The following AGBL1 variants were observed in gnomAD, a reference collection of about 807,000 sequenced individuals.
AGBL1 encodes the protein cytosolic carboxypeptidase 4.
A neutral mutation model predicts 118.9 loss-of-function variants in AGBL1; 130 were observed. The ratio of observed to expected loss-of-function variants is 1.09; its 90% confidence interval spans 0.95 to 1.26. The LOEUF is 1.26. Among genes scored for constraint, AGBL1 ranks in the 50% most tolerant of loss-of-function variants. The probability of loss-of-function intolerance (pLI) is 0.00; values close to 1 mark genes in which losing one functional copy is unlikely to be tolerated. For synonymous variants in AGBL1, 555 were observed against 478.9 expected (o/e 1.16, Z -2.08); for missense variants, 1,584 against 1,298.1 (o/e 1.22, Z -3.38).
intron 21 of AGBL1, among the ~76,000 whole-genome samples, chr15:86,661,524 A>T (rs551738856): frequency 6.6e-6 from 1 of 151,912 alleles, no homozygotes; most frequent in Non-Finnish European, 1.5e-5. Context: ...AGACTGGGTT[A>T]ACATCATTAT....
chr15:86,718,272 G>A (rs1020162934), intron 22 of AGBL1, among the ~76,000 whole-genome samples: 1 of 151,972 alleles, frequency 6.6e-6, no homozygotes, highest in Non-Finnish European at 1.5e-5. Context: ...ATCATTCTGA[G>A]CAAACTATCT....
chr15:86,542,109 G>A (rs1013657867), intron 19 of AGBL1, among the ~76,000 whole-genome samples: 2 of 152,212 alleles, frequency 1.3e-5, no homozygotes, highest in African/African-American at 4.8e-5. Flanking sequence ...TTGAATGAAT[G>A]TTGTGCTCAA....
intron 16 of AGBL1, among the ~76,000 whole-genome samples, chr15:86,290,343 C>CTTTTTTT (rs559169172): frequency 4.5e-5 from 6 of 134,332 alleles, no homozygotes; most frequent in Middle Eastern, 3.9e-3. Context: ...TCTTTTCTTT[C>CTTTTTTT]TTTTTTTTTT....
intron 1 of AGBL1, among the ~76,000 whole-genome samples, chr15:86,126,617 T>G (rs1243020985): frequency 2.0e-5 from 3 of 152,232 alleles, no homozygotes; most frequent in Non-Finnish European, 4.4e-5. Context: ...CCATACTTAT[T>G]ACCTAGTGAT....
At chr15:86,728,577 A>T (rs1441989441) in intron 22 of AGBL1, among the ~76,000 whole-genome samples, 1 of 152,136 alleles carries the variant, frequency 6.6e-6, no homozygotes, top group East Asian at 1.9e-4. Context: ...GGGGCTAAAT[A>T]AAAAAACCTT....
intron 18 of AGBL1, among the ~76,000 whole-genome samples, chr15:86,496,552 A>T (rs2142152714): frequency 6.6e-6 from 1 of 152,014 alleles, no homozygotes; most frequent in African/African-American, 2.4e-5. Flanking sequence ...ATTTGGATTA[A>T]TTTTTTCCAT....
At chr15:86,152,669 T>TC (rs1173058825) in intron 3 of AGBL1, among the ~76,000 whole-genome samples, 4 of 152,146 alleles carry the variant, frequency 2.6e-5, no homozygotes, top group East Asian at 3.9e-4. Flanking sequence ...ACACATGGGA[T>TC]CTAATTAAAC....
chr15:86,612,324 A>G (rs1316537686), intron 21 of AGBL1, among the ~76,000 whole-genome samples: 4 of 152,028 alleles, frequency 2.6e-5, no homozygotes, highest in Non-Finnish European at 5.9e-5. Flanking sequence ...CTAAAGGCAT[A>G]TTAACAAAAA....
rs573972749 is a variant in AGBL1, at chr15:86,862,624, C to T, written c.3159-44463C>T. 5.3e-5 allele frequency among the ~76,000 whole-genome samples: 8 copies of T among 152,178 alleles called. No homozygotes were observed. In the South Asian group the frequency reaches 8.3e-4, roughly 16 times the overall value. Reference sequence around the variant, plus strand: ...TAGTCCCAGCTACTCGGAGGGCTGACGCAGGAGACTCACTTGACCTGGGAG... The same window carrying T: ...TAGTCCCAGCTACTCGGAGGGCTGATGCAGGAGACTCACTTGACCTGGGAG... On this transcript the variant is annotated intron_variant, in intron 22 of 22. Coordinates refer to ENST00000614907, the MANE Select transcript of AGBL1 (RefSeq NM_001386094.1).
In AGBL1 at chr15:86,090,016, C is replaced by T. The variant is rs142414749; in HGVS notation, c.51+9993C>T. Among the ~76,000 whole-genome samples the T allele has an allele frequency of 8.3e-4, 127 of 152,274 alleles. 1 individual carries two copies. Among genetic ancestry groups the T allele is most frequent in the African/African-American group, 2.7e-3 (112 of 41,562 alleles). Reference sequence around the variant, plus strand: ...TTTGTCAGGAACCCCTCACATTTGTCGAGTACTTACTATGTACCAGGAAAT... The same window carrying T: ...TTTGTCAGGAACCCCTCACATTTGTTGAGTACTTACTATGTACCAGGAAAT... On this transcript the variant is annotated intron_variant, in intron 1 of 22. Coordinates refer to ENST00000614907, the MANE Select transcript of AGBL1 (RefSeq NM_001386094.1).
rs141638486 is a variant in AGBL1 at position 86,870,352 on chromosome 15, G to A, written c.3159-36735G>A. 2.6e-3 allele frequency among the ~76,000 whole-genome samples: 389 copies of A among 150,398 alleles called. 3 individuals carry two copies. Among genetic ancestry groups the A allele is most frequent in the African/African-American group, 9.0e-3 (370 of 40,940 alleles). On this transcript the variant is annotated intron_variant, in intron 22 of 22. Transcript: ENST00000614907. ...AATAATGAGTAAGTGGCAAAGTCAG[G>A]ATTTAAGCTTTTCCATTTCCTCTTT...
chr15:86,492,417 T>A (rs1596185128), intron 18 of AGBL1, among the ~76,000 whole-genome samples: 1 of 151,634 alleles, frequency 6.6e-6, no homozygotes, highest in Non-Finnish European at 1.5e-5. Context: ...TGGTGAAACC[T>A]CATCCCTACT....
At chr15:86,238,450 C>T (rs571799733) in intron 6 of AGBL1, among the ~76,000 whole-genome samples, 21 of 152,136 alleles carry the variant, frequency 1.4e-4, no homozygotes, top group African/African-American at 3.4e-4. Flanking sequence ...TCTGGCTTTC[C>T]GGACAAAGGC....
chr15:86,372,424 TC>T (rs2080984078), intron 17 of AGBL1, among the ~76,000 whole-genome samples: 1 of 152,170 alleles, frequency 6.6e-6, no homozygotes, highest in East Asian at 1.9e-4. Flanking sequence ...CTTCTTTCCC[TC>T]CTTCCCTCCT....
chr15:86,781,852 C>A (rs2078340909), intron 22 of AGBL1, among the ~76,000 whole-genome samples: 1 of 151,612 alleles, frequency 6.6e-6, no homozygotes, highest in African/African-American at 2.4e-5. Context: ...CTCTGATCAT[C>A]TACTGGGAAG....
At chr15:86,269,790 C>T (rs2079128900) in intron 13 of AGBL1, 129 bp from the exon 14 acceptor site, 2 of 1,105,828 alleles carry the variant, frequency 1.8e-6, no homozygotes, top group African/African-American at 1.6e-5. Flanking sequence ...ATAAGTATAA[C>T]TTACCAGCTG....
intron 17 of AGBL1, among the ~76,000 whole-genome samples, chr15:86,338,150 G>A (rs916232716): frequency 6.6e-6 from 1 of 152,216 alleles, no homozygotes; most frequent in Non-Finnish European, 1.5e-5. Context: ...TGAATTATGA[G>A]AAAAGGTCAG....
chr15:86,563,613 T>C (rs1286269642), intron 21 of AGBL1, among the ~76,000 whole-genome samples: 1 of 152,040 alleles, frequency 6.6e-6, no homozygotes, highest in Non-Finnish European at 1.5e-5. Flanking sequence ...TTCTGTTGAT[T>C]TGGGGTGGAT....
chr15:86,272,538 C>G (rs2079178394), intron 15 of AGBL1, among the ~76,000 whole-genome samples: 1 of 152,122 alleles, frequency 6.6e-6, no homozygotes, highest in African/African-American at 2.4e-5. Context: ...AAAGTATGAT[C>G]AGACATTCTA....
Sources: gnomAD v4.1 joint callset for allele counts (sites outside exome capture counted in the v4.1 genomes callset) on GRCh38, gnomAD v4.1.1 for gene constraint, MANE v1.5 for transcripts, NCBI Gene and HGNC (gene_info 2026-07-23, HGNC 2026-07-21) for gene names.